Variants in MEI4 observed in about 807,000 individuals in gnomAD.
The protein encoded by MEI4 is meiosis-specific protein MEI4.
In MEI4, 27 loss-of-function variants were observed where a neutral mutation model predicts 31.4. That is an observed-to-expected ratio of 0.86 (90% CI 0.63 to 1.19). The LOEUF is 1.19. Ranked by LOEUF, MEI4 falls within the 50% of genes most tolerant of loss-of-function variation. MEI4 has a pLI of 0.00. For synonymous variants in MEI4, 122 were observed against 145.4 expected (o/e 0.84, Z 1.16); for missense variants, 329 against 398.9 (o/e 0.82, Z 1.49).
At chr6:77,918,702 T>A (rs1303127535) in intron 4 of MEI4, among the ~76,000 whole-genome samples, 3 of 152,006 alleles carry the variant, frequency 2.0e-5, no homozygotes, top group African/African-American at 7.2e-5. Flanking sequence ...TATACAATCA[T>A]GTCATCTGCA....
intron 2 of MEI4, among the ~76,000 whole-genome samples, chr6:77,736,968 A>G (rs1767259273): frequency 6.6e-6 from 1 of 152,184 alleles, no homozygotes; most frequent in African/African-American, 2.4e-5. Context: ...AAGTATAGGT[A>G]GAGGAATATA....
At chr6:77,903,516 A>G (rs1766228533) in intron 4 of MEI4, among the ~76,000 whole-genome samples, 1 of 152,150 alleles carries the variant, frequency 6.6e-6, no homozygotes, top group African/African-American at 2.4e-5. Context: ...TTTTCAACTT[A>G]CAATGGGTTT....
chr6:77,743,228 T>C (rs958678423), intron 2 of MEI4, among the ~76,000 whole-genome samples: 1 of 152,164 alleles, frequency 6.6e-6, no homozygotes. Context: ...GCCATTATCA[T>C]GATATTGATT....
chr6:77,909,593 G>A (rs1766383709), intron 4 of MEI4, among the ~76,000 whole-genome samples: 1 of 152,044 alleles, frequency 6.6e-6, no homozygotes, highest in African/African-American at 2.4e-5. Flanking sequence ...AAAAGTCCAG[G>A]ACCAGATGGA....
At chr6:77,763,397 G>T (rs1461846006) in intron 3 of MEI4, among the ~76,000 whole-genome samples, 2 of 152,124 alleles carry the variant, frequency 1.3e-5, no homozygotes, top group African/African-American at 4.8e-5. Flanking sequence ...TGTTGTCCTT[G>T]TGGTCTAGGT....
chr6:77,817,102 T>G (rs892361313), intron 3 of MEI4, among the ~76,000 whole-genome samples: 2 of 152,110 alleles, frequency 1.3e-5, no homozygotes, highest in Non-Finnish European at 2.9e-5. Flanking sequence ...TGTAGCTCAA[T>G]TATATTCTTA....
rs1162855498 is a variant in MEI4, at chr6:77,832,227, T to G, written c.900+3165T>G. Among the ~76,000 whole-genome samples the G allele has an allele frequency of 3.3e-5, 5 of 152,038 alleles. No individual in the cohort carries two copies. In the South Asian group the frequency reaches 8.3e-4, roughly 25 times the overall value. The stretch of plus-strand genomic sequence containing the variant: ...CAGTGTTTTAGCTCACTTTAAAGAC[T>G]TTATTTCTCTGTCGATATAAAGAAT... On this transcript the variant is annotated intron_variant, in intron 4 of 4. Transcript: ENST00000684080.
chr6:77,883,462 C>T (rs138188621), intron 4 of MEI4, among the ~76,000 whole-genome samples: 6 of 151,518 alleles, frequency 4.0e-5, no homozygotes, highest in African/African-American at 1.2e-4. Context: ...CGCCTCCCCC[C>T]GTGAGCCTCT....
At position 77,906,755 on chromosome 6, in the gene MEI4, C is replaced by G. The variant is rs377387882; in HGVS notation, c.901-16334C>G. Among the ~76,000 whole-genome samples, 20 of 152,208 alleles carry G rather than the reference C, an allele frequency of 1.3e-4. No homozygotes were observed. The East Asian group carries it at 3.3e-3, about 25-fold the overall frequency. ...GGCAGTAATGGCACTGGGCTTAGGG[C>G]ACAGGTGCATCCATTGCCACATTGG... On this transcript the variant is annotated intron_variant, in intron 4 of 4. Coordinates refer to ENST00000684080, the MANE Select transcript of MEI4 (RefSeq NM_001322247.2).
chr6:77,833,791 G>A (rs968896620), intron 4 of MEI4, among the ~76,000 whole-genome samples: 13 of 152,032 alleles, frequency 8.6e-5, no homozygotes, highest in South Asian at 4.2e-4. Flanking sequence ...ACCTTTCCCC[G>A]CACCCGCCAA....
At chr6:77,715,803 A>T (rs1416956796) in intron 2 of MEI4, among the ~76,000 whole-genome samples, 1 of 152,202 alleles carries the variant, frequency 6.6e-6, no homozygotes, top group African/African-American at 2.4e-5. Context: ...ACGTCACGTG[A>T]TGAGTTATTA....
chr6:77,657,065 A>G (rs1768410488), intron 1 of MEI4, among the ~76,000 whole-genome samples: 1 of 152,200 alleles, frequency 6.6e-6, no homozygotes, highest in Non-Finnish European at 1.5e-5. Flanking sequence ...TTGCTGCTGT[A>G]AAAATCTTTA....
intron 1 of MEI4, among the ~76,000 whole-genome samples, chr6:77,665,193 GCATGGAAATAAGGGGTCGGGA>G (rs1175384374): frequency 1.1e-4 from 16 of 151,954 alleles, no homozygotes; most frequent in African/African-American, 1.7e-4. Flanking sequence ...AGGGGTCGAG[GCATGGAAATAAGGGGTCGGGA>G]CATGGAAATA....
chr6:77,914,913 T>G (rs1766509052), intron 4 of MEI4, among the ~76,000 whole-genome samples: 1 of 152,116 alleles, frequency 6.6e-6, no homozygotes, highest in Admixed American at 6.6e-5. Flanking sequence ...TGAATATTTT[T>G]TCTATACCTT....
intron 4 of MEI4, among the ~76,000 whole-genome samples, chr6:77,898,673 A>G (rs770959651): frequency 3.3e-5 from 5 of 152,072 alleles, no homozygotes; most frequent in Non-Finnish European, 7.4e-5. Flanking sequence ...CTCATTATCA[A>G]ATTGATTTAA....
chr6:77,745,036 T>G (rs1385369898), intron 2 of MEI4, among the ~76,000 whole-genome samples: 1 of 152,174 alleles, frequency 6.6e-6, no homozygotes, highest in South Asian at 2.1e-4. Context: ...TAAAGACCAT[T>G]GAGGCTAGGA....
intron 3 of MEI4, among the ~76,000 whole-genome samples, chr6:77,814,134 A>C (rs1349938307): frequency 6.6e-6 from 1 of 152,086 alleles, no homozygotes; most frequent in East Asian, 1.9e-4. Context: ...CAACAAACTA[A>C]GTACATCTAA....
intron 4 of MEI4, among the ~76,000 whole-genome samples, chr6:77,887,483 G>T (rs1771652780): frequency 6.6e-6 from 1 of 151,762 alleles, no homozygotes; most frequent in South Asian, 2.1e-4. Flanking sequence ...TTTTAGTAGG[G>T]ACGGGGTTTC....
chr6:77,699,409 G>T (rs1766151767), intron 2 of MEI4, among the ~76,000 whole-genome samples: 1 of 151,676 alleles, frequency 6.6e-6, no homozygotes, highest in Non-Finnish European at 1.5e-5. Context: ...AGCCGGGATG[G>T]TCTCGATCTC....
Sources: allele counts gnomAD v4.1 joint callset (sites outside exome capture counted in the v4.1 genomes callset), GRCh38; gene constraint gnomAD v4.1.1; transcripts MANE v1.5; gene names NCBI Gene and HGNC (gene_info 2026-07-23, HGNC 2026-07-21).